The following NF2 variants were observed in gnomAD, a reference collection of about 807,000 sequenced individuals.
The protein encoded by NF2 is merlin.
Under a neutral mutation model 83.7 loss-of-function variants are expected in NF2, and 8 were observed. The observed-to-expected ratio is 0.10, with a 90% CI of 0.06 to 0.17. The LOEUF is 0.17. NF2 is among the 10% of genes least tolerant of loss of function. The pLI is 1.00. For missense variants in NF2, 533 were observed against 744.4 expected, an observed-to-expected ratio of 0.72 and a Z score of 3.31; for synonymous variants, 266 against 269.6, an observed-to-expected ratio of 0.99 and a Z score of 0.13.
chr22:29,679,422 T>G (rs538656370), intron 14 of NF2, among the ~76,000 whole-genome samples: 2 of 152,258 alleles, frequency 1.3e-5, no homozygotes, highest in Non-Finnish European at 2.9e-5. Flanking sequence ...TTCACCATTA[T>G]CCAGACATAT....
intron 1 of NF2, among the ~76,000 whole-genome samples, chr22:29,635,063 C>T (rs1210787978): frequency 6.6e-6 from 1 of 152,164 alleles, no homozygotes; most frequent in Admixed American, 6.5e-5. Context: ...AGCCAGTATG[C>T]ATCTCAGCTA....
rs2146966627 is a variant in NF2 at position 29,654,676 on chromosome 22, G to A, written c.467G>A (p.Ser156Asn). 2 of 1,613,936 alleles carry A rather than the reference G, an allele frequency of 1.2e-6. No individual in the cohort carries two copies. The highest frequency in any genetic ancestry group is 1.7e-6 in the Non-Finnish European group (2 of 1,179,844). Residue 156 changes from serine (S) to asparagine (N), a missense_variant, in exon 5 of 16, where the codon AGT becomes AAT. Ser to Asn is a conservative substitution (Grantham distance 46). This residue lies in a region of NF2 where 326 missense variants were observed against 475.1 expected (regional missense o/e 0.69). Coordinates refer to ENST00000338641, the MANE Select transcript of NF2 (RefSeq NM_000268.4). ...VQAKYGDYDP[S>N]VHKRGFLAQE... ...TTCCAGTATGGTGACTACGACCCCA[G>A]TGTTCACAAGCGGGGATTTTTGGCC... is the stretch of plus-strand genomic sequence containing the variant.
intron 2 of NF2, among the ~76,000 whole-genome samples, chr22:29,638,003 G>A (rs997373726): frequency 6.6e-6 from 1 of 152,206 alleles, no homozygotes; most frequent in African/African-American, 2.4e-5. Context: ...TGATAGCTGA[G>A]TGTAGGCCAA....
At chr22:29,665,098 T>A in intron 9 of NF2, 34 bp downstream of exon 9, 1 of 1,501,450 alleles carries the variant, frequency 6.7e-7, no homozygotes, top group Non-Finnish European at 9.3e-7. Context: ...TTACTGATAA[T>A]GGTAGCTTTT....
intron 4 of NF2, among the ~76,000 whole-genome samples, chr22:29,646,119 G>A (rs1440380644): frequency 3.9e-5 from 6 of 152,194 alleles, no homozygotes; most frequent in Non-Finnish European, 8.8e-5. Context: ...TATTTTGTGC[G>A]ACACTCAGTG....
chr22:29,655,310 G>A (rs751935460), intron 5 of NF2, among the ~76,000 whole-genome samples: 25 of 152,118 alleles, frequency 1.6e-4, no homozygotes, highest in Non-Finnish European at 3.5e-4. Context: ...ACTGAGCTCC[G>A]CTGTCAGAGG....
Position 29,696,065 on chromosome 22 carries a change from T to TA in NF2, c.*1263_*1264insA. 16 of 221,114 alleles carry TA rather than the reference T, an allele frequency of 7.2e-5. No individual in the cohort carries two copies. The highest frequency in any genetic ancestry group is 8.9e-5 in the Non-Finnish European group (10 of 112,760). The allele number at this position is 221,114 out of a possible 1,614,324, so 13.7% of individuals were successfully genotyped here. A position where few individuals can be genotyped will look rare whatever the true frequency, so the allele number is the denominator to read the frequency against. On this transcript the variant is annotated 3_prime_UTR_variant, in exon 16 of 16. Transcript: ENST00000338641. The stretch of plus-strand genomic sequence containing the variant: ...GGTCTGGGGCCACCTTCTTGCCCTT[T>TA]CTTTTTTTTTTTTTTTTTTTTTTTC...
intron 14 of NF2, among the ~76,000 whole-genome samples, chr22:29,680,611 T>C (rs894574028): frequency 6.6e-6 from 1 of 152,244 alleles, no homozygotes; most frequent in Admixed American, 6.5e-5. Flanking sequence ...TTCACCATCA[T>C]AGATGCTGTC....
intron 8 of NF2, among the ~76,000 whole-genome samples, chr22:29,664,300 C>T (rs1471749148): frequency 6.6e-6 from 1 of 151,842 alleles, no homozygotes; most frequent in East Asian, 1.9e-4. Flanking sequence ...TCACTGCCAG[C>T]CCCTACACCC....
At chr22:29,677,526 CT>C (rs947693710) in intron 13 of NF2, among the ~76,000 whole-genome samples, 3 of 152,062 alleles carry the variant, frequency 2.0e-5, no homozygotes. Context: ...TACACCACCC[CT>C]GCTTCAGGCC....
In NF2 at chr22:29,664,838, C is replaced by G. The variant is rs982606973; in HGVS notation, c.811-152C>G. Reference sequence around the variant, plus strand: ...CCCGAGACTTGGTGCTCCTAATTCCCTGAGGTTTAGTGCCTGGATACTGGG... The same window carrying G: ...CCCGAGACTTGGTGCTCCTAATTCCGTGAGGTTTAGTGCCTGGATACTGGG... On this transcript the variant is annotated intron_variant, in intron 8 of 15. Coordinates refer to ENST00000338641, the MANE Select transcript of NF2 (RefSeq NM_000268.4). 1.8e-5 allele frequency: 13 copies of G among 711,892 alleles called. No homozygotes were observed. In the African/African-American group the frequency reaches 2.3e-4, roughly 12 times the overall value. The allele number at this position is 711,892 out of a possible 1,614,324, so 44.1% of individuals were successfully genotyped here. A position where few individuals can be genotyped will look rare whatever the true frequency, so the allele number is the denominator to read the frequency against.
intron 2 of NF2, 99 bp from the exon 3 acceptor site, chr22:29,638,991 G>GA: frequency 1.9e-6 from 3 of 1,555,294 alleles, no homozygotes; most frequent in Admixed American, 3.4e-5. Context: ...AATTTAGTGG[G>GA]AAAAAAATTT....
intron 11 of NF2, among the ~76,000 whole-genome samples, chr22:29,672,382 C>T (rs2066823518): frequency 1.4e-5 from 2 of 147,228 alleles, no homozygotes; most frequent in African/African-American, 5.0e-5. Context: ...GGCACGATCT[C>T]AGCTTACTGC....
At chr22:29,654,818 A>C (rs993630600) in intron 5 of NF2, 93 bp downstream of exon 5, 10 of 913,488 alleles carry the variant, frequency 1.1e-5, no homozygotes, top group Admixed American at 7.0e-5. Flanking sequence ...TTGGAAGTAC[A>C]TAGCAATTTA....
chr22:29,684,446 C>T lies in NF2; in HGVS notation c.1737+2845C>T, dbSNP rs566607317. On this transcript the variant is annotated intron_variant, in intron 15 of 15. Coordinates refer to ENST00000338641, the MANE Select transcript of NF2 (RefSeq NM_000268.4). ...CAGCCAGTGCTGCCAGGTGTTCCCT[C>T]CATGGGAAGGTGCTGCTCAACCTGA... Among the ~76,000 whole-genome samples the T allele has an allele frequency of 7.6e-4, 116 of 152,304 alleles. 2 individuals carry two copies. The highest frequency in any genetic ancestry group is 2.7e-3 in the African/African-American group (114 of 41,572).
intron 5 of NF2, 29 bp downstream of exon 5, chr22:29,654,754 G>A (rs2146967811): frequency 6.5e-7 from 1 of 1,545,096 alleles, no homozygotes; most frequent in South Asian, 1.1e-5. Context: ...TTTTCAGGAA[G>A]ACATAGCAGA....
chr22:29,659,101 T>G (rs940218099), intron 7 of NF2, among the ~76,000 whole-genome samples: 6 of 152,240 alleles, frequency 3.9e-5, no homozygotes, highest in African/African-American at 1.4e-4. Flanking sequence ...TTGTATGGAT[T>G]ACACTGCATA....
intron 1 of NF2, among the ~76,000 whole-genome samples, chr22:29,622,608 T>C (rs2065241397): frequency 6.6e-6 from 1 of 151,868 alleles, no homozygotes; most frequent in South Asian, 2.1e-4. Context: ...TACAATCCGC[T>C]TCCCTCTCAC....
Position 29,603,670 on chromosome 22 carries a change from G to A in NF2, c.-329G>A, listed in dbSNP as rs1475705013. ...GGCCGCTGAGAGGCGCGCGGAGTCT[G>A]GGCCGCTGCCGTCTAGGGGTCCCGT... is the stretch of plus-strand genomic sequence containing the variant. On this transcript the variant is annotated 5_prime_UTR_variant, in exon 1 of 16. Transcript: ENST00000338641. The A allele has an allele frequency of 4.8e-6, 2 of 415,488 alleles. No homozygotes were observed. The highest frequency in any genetic ancestry group is 4.1e-5 in the African/African-American group (2 of 48,662). 25.7% of individuals were successfully genotyped at this position (415,488 alleles called of 1,614,324 possible). A position where few individuals can be genotyped will look rare whatever the true frequency, so the allele number is the denominator to read the frequency against.
Sources: gnomAD v4.1 joint callset for allele counts (sites outside exome capture counted in the v4.1 genomes callset) on GRCh38, gnomAD v4.1.1 for gene constraint, gnomAD v4.1.1 regional missense constraint, MANE v1.5 for transcripts, NCBI Gene and HGNC (gene_info 2026-07-23, HGNC 2026-07-21) for gene names.